Variants in SPAG16 observed in about 807,000 individuals in gnomAD.
SPAG16 encodes sperm associated antigen 16.
Under a neutral mutation model 80.4 loss-of-function variants are expected in SPAG16, and 86 were observed. The ratio of observed to expected loss-of-function variants is 1.07; its 90% CI spans 0.90 to 1.28. SPAG16 has a LOEUF of 1.28. Among genes scored for constraint, SPAG16 ranks in the 50% most tolerant of loss-of-function variants. SPAG16 has a pLI of 0.00. For missense variants in SPAG16, 870 were observed against 765.3 expected (o/e 1.14, Z -1.61); for synonymous variants, 294 against 265.9 (o/e 1.11, Z -1.03).
intron 9 of SPAG16, among the ~76,000 whole-genome samples, chr2:213,454,433 T>C (rs1292432001): frequency 6.6e-6 from 1 of 152,202 alleles, no homozygotes; most frequent in Admixed American, 6.5e-5. Context: ...TCTCTTGCCA[T>C]TTGTAACTTT....
chr2:213,938,746 T>A (rs2079087287), intron 12 of SPAG16, among the ~76,000 whole-genome samples: 1 of 151,914 alleles, frequency 6.6e-6, no homozygotes, highest in Non-Finnish European at 1.5e-5. Context: ...AGTAAACTGG[T>A]TACTAAATAT....
intron 3 of SPAG16, among the ~76,000 whole-genome samples, chr2:213,307,452 G>T (rs1449382030): frequency 2.1e-5 from 3 of 140,774 alleles, no homozygotes; most frequent in Non-Finnish European, 4.6e-5. Context: ...GAGAATATGC[G>T]GTGTTTGGTT....
intron 15 of SPAG16, among the ~76,000 whole-genome samples, chr2:214,348,122 G>A (rs1698177930): frequency 6.6e-6 from 1 of 152,200 alleles, no homozygotes; most frequent in African/African-American, 2.4e-5. Context: ...TATACGGGTT[G>A]TGTGGAGGGC....
intron 15 of SPAG16, among the ~76,000 whole-genome samples, chr2:214,222,937 C>T (rs538401756): frequency 6.6e-6 from 1 of 152,202 alleles, no homozygotes; most frequent in South Asian, 2.1e-4. Context: ...TTTATTTGAA[C>T]CAAATGAATA....
At chr2:214,143,055 T>A (rs139235524) in intron 14 of SPAG16, among the ~76,000 whole-genome samples, 2 of 152,244 alleles carry the variant, frequency 1.3e-5, no homozygotes, top group East Asian at 3.9e-4. Flanking sequence ...AAATCGTTTT[T>A]TAGCCTCACT....
intron 11 of SPAG16, among the ~76,000 whole-genome samples, chr2:213,883,753 T>G (rs2076442777): frequency 6.6e-6 from 1 of 152,206 alleles, no homozygotes; most frequent in South Asian, 2.1e-4. Context: ...GCACCCTTTA[T>G]CATTATGTAA....
intron 11 of SPAG16, among the ~76,000 whole-genome samples, chr2:213,895,266 A>G (rs11901363): frequency 0.35 from 53,011 of 151,982 alleles, 9,717 homozygotes; most frequent in East Asian, 0.48. Context: ...AAAGAAATCA[A>G]AGAGGACAGA....
intron 11 of SPAG16, among the ~76,000 whole-genome samples, chr2:213,877,295 G>A (rs1038773573): frequency 1.3e-5 from 2 of 151,886 alleles, no homozygotes; most frequent in African/African-American, 4.8e-5. Context: ...TCAGAATTAT[G>A]ATACATGGGT....
chr2:213,679,571 A>G (rs2064277183), intron 10 of SPAG16, among the ~76,000 whole-genome samples: 1 of 152,020 alleles, frequency 6.6e-6, no homozygotes, highest in Non-Finnish European at 1.5e-5. Context: ...CCCACTTCCT[A>G]CTTATTTTGT....
intron 10 of SPAG16, among the ~76,000 whole-genome samples, chr2:213,749,261 A>C (rs2067975645): frequency 6.6e-6 from 1 of 152,130 alleles, no homozygotes; most frequent in South Asian, 2.1e-4. Flanking sequence ...ATTTATGTTT[A>C]ATGGTCATTT....
intron 14 of SPAG16, among the ~76,000 whole-genome samples, chr2:214,130,089 G>C (rs1364530787): frequency 2.0e-5 from 3 of 152,112 alleles, no homozygotes; most frequent in Non-Finnish European, 4.4e-5. Context: ...TCTCACCCCA[G>C]TTCTCAACCA....
At chr2:213,782,084 T>C (rs1239916003) in intron 10 of SPAG16, among the ~76,000 whole-genome samples, 1 of 152,114 alleles carries the variant, frequency 6.6e-6, no homozygotes, top group East Asian at 1.9e-4. Flanking sequence ...GCATAATATA[T>C]GCCAAAAATG....
At chr2:213,439,659 G>A (rs1015317579) in intron 9 of SPAG16, among the ~76,000 whole-genome samples, 3 of 152,184 alleles carry the variant, frequency 2.0e-5, no homozygotes, top group Non-Finnish European at 4.4e-5. Context: ...TCAACAAAAA[G>A]GAATGAAGTC....
At chr2:213,385,818 G>A (rs1230963515) in intron 9 of SPAG16, among the ~76,000 whole-genome samples, 2 of 112,780 alleles carry the variant, frequency 1.8e-5, no homozygotes, top group Non-Finnish European at 3.9e-5. Flanking sequence ...ACACACACAC[G>A]TATGACTTCT....
chr2:213,472,776 G>A (rs6706865), intron 9 of SPAG16, among the ~76,000 whole-genome samples: 11 of 152,150 alleles, frequency 7.2e-5, no homozygotes, highest in African/African-American at 2.7e-4. Context: ...TACTTTAACT[G>A]GAGGACCACA....
intron 15 of SPAG16, among the ~76,000 whole-genome samples, chr2:214,273,524 C>T (rs1255653293): frequency 6.6e-6 from 1 of 152,142 alleles, no homozygotes; most frequent in East Asian, 1.9e-4. Flanking sequence ...AGCCAGTTTT[C>T]CCAACACCAT....
chr2:213,941,469 TAGAG>T (rs913262549), intron 12 of SPAG16, among the ~76,000 whole-genome samples: 10 of 151,260 alleles, frequency 6.6e-5, no homozygotes, highest in Admixed American at 2.0e-4. Flanking sequence ...TACGCATACA[TAGAG>T]AGAGAGAGAG....
intron 15 of SPAG16, among the ~76,000 whole-genome samples, chr2:214,248,775 T>A (rs1367172416): frequency 6.6e-6 from 1 of 152,144 alleles, no homozygotes; most frequent in Non-Finnish European, 1.5e-5. Context: ...CAAAAATTAA[T>A]GCATAATAAG....
chr2:213,828,152 T>G (rs1037336233), intron 10 of SPAG16, among the ~76,000 whole-genome samples: 9 of 152,160 alleles, frequency 5.9e-5, no homozygotes, highest in African/African-American at 2.2e-4. Context: ...GCCAGTGACT[T>G]AGATTTGCCC....
Sources: gnomAD v4.1 joint callset for allele counts (sites outside exome capture counted in the v4.1 genomes callset) on GRCh38, gnomAD v4.1.1 for gene constraint, MANE v1.5 for transcripts, NCBI Gene and HGNC (gene_info 2026-07-23, HGNC 2026-07-21) for gene names.